The following AGBL1 variants were observed in gnomAD, a reference collection of about 807,000 sequenced individuals.
The protein encoded by AGBL1 is AGBL carboxypeptidase 1, also known as cytosolic carboxypeptidase 4.
Under a neutral mutation model 118.9 loss-of-function variants are expected in AGBL1, and 130 were observed. That is an observed-to-expected ratio of 1.09 (90% confidence interval 0.95 to 1.26). The LOEUF is 1.26. Among genes scored for constraint, AGBL1 ranks in the 50% most tolerant of loss-of-function variants. AGBL1 has a pLI of 0.00. For missense variants in AGBL1, 1,584 were observed against 1,298.1 expected, an observed-to-expected ratio of 1.22 and a Z score of -3.38; for synonymous variants, 555 against 478.9, an observed-to-expected ratio of 1.16 and a Z score of -2.08.
intron 1 of AGBL1, among the ~76,000 whole-genome samples, chr15:86,125,507 T>C (rs962594501): frequency 6.6e-6 from 1 of 152,206 alleles, no homozygotes; most frequent in African/African-American, 2.4e-5. Flanking sequence ...GTCCCCTTCA[T>C]CCATGGCTAA....
intron 24 of AGBL1, among the ~76,000 whole-genome samples, chr15:87,008,058 A>C (rs2081522174): frequency 6.6e-6 from 1 of 152,210 alleles, no homozygotes; most frequent in Admixed American, 6.5e-5. Context: ...TTTAGGTGTC[A>C]ACTTGACTGG....
intron 3 of AGBL1, among the ~76,000 whole-genome samples, chr15:86,149,171 A>G (rs1468652937): frequency 2.0e-5 from 3 of 152,160 alleles, no homozygotes; most frequent in Non-Finnish European, 2.9e-5. Context: ...CACTGCAAAA[A>G]CATGCCAAAT....
rs1342958844 is a variant in AGBL1, at chr15:86,159,040, T to C, written c.488+14T>C. The C allele has an allele frequency of 6.2e-7, 1 of 1,610,370 alleles. No individual in the cohort carries two copies. Among genetic ancestry groups the C allele is most frequent in the Non-Finnish European group, 8.5e-7 (1 of 1,176,926 alleles). On this transcript the variant is annotated intron_variant, in intron 5 of 22. Transcript: ENST00000614907. ...CCAAGCAATCAGGTACAGAGTGCCA[T>C]GTAATACTTCTGCCCCTTTTGTAAC... is the stretch of plus-strand genomic sequence containing the variant.
chr15:86,199,582 A>AGGCC (rs1471209087), intron 5 of AGBL1, among the ~76,000 whole-genome samples: 5 of 152,160 alleles, frequency 3.3e-5, no homozygotes, highest in Non-Finnish European at 7.4e-5. Context: ...GGGACCAAGT[A>AGGCC]CTTTGTTCTT....
chr15:86,599,350 C>CAACAGTGCAAT, intron 21 of AGBL1, among the ~76,000 whole-genome samples: 1 of 151,784 alleles, frequency 6.6e-6, no homozygotes, highest in African/African-American at 2.4e-5. Context: ...TTTTTAGCTG[C>CAACAGTGCAAT]CATAAAGCCC....
At chr15:86,147,171 C>A (rs1163698210) in intron 3 of AGBL1, among the ~76,000 whole-genome samples, 1 of 152,126 alleles carries the variant, frequency 6.6e-6, no homozygotes, top group Non-Finnish European at 1.5e-5. Context: ...AGGAACAGCT[C>A]CGGTCTGCAG....
At chr15:86,286,703 G>C (rs8033521) in intron 16 of AGBL1, among the ~76,000 whole-genome samples, 1 of 123,198 alleles carries the variant, frequency 8.1e-6, no homozygotes, top group African/African-American at 3.2e-5. Context: ...ATATGTGTGT[G>C]TGTATATATA....
At chr15:86,897,801 A>C in intron 22 of AGBL1, among the ~76,000 whole-genome samples, 1 of 118,586 alleles carries the variant, frequency 8.4e-6, no homozygotes, top group African/African-American at 3.3e-5. Context: ...ACAGGGAATC[A>C]CTCTGTCACC....
At position 86,606,529 on chromosome 15, in the gene AGBL1, G is replaced by A. The variant is rs960394952; in HGVS notation, c.2994+51992G>A. Among the ~76,000 whole-genome samples, 3 of 152,276 alleles carry A rather than the reference G, an allele frequency of 2.0e-5. No individual in the cohort carries two copies. In the East Asian group the frequency reaches 5.8e-4, roughly 29 times the overall value. On this transcript the variant is annotated intron_variant, in intron 21 of 22. Transcript: ENST00000614907. ...CTCACCATTAAATAGAATTTAATCT[G>A]CTTTTGTTCTGAAATCTTGTTAAGA...
intron 17 of AGBL1, among the ~76,000 whole-genome samples, chr15:86,337,968 C>G (rs1212635728): frequency 6.6e-6 from 1 of 152,152 alleles, no homozygotes; most frequent in East Asian, 1.9e-4. Flanking sequence ...ATATGCCAGA[C>G]ACTTCTAGTC....
chr15:86,936,756 A>G (rs2080681042), intron 23 of AGBL1, among the ~76,000 whole-genome samples: 1 of 152,216 alleles, frequency 6.6e-6, no homozygotes, highest in Non-Finnish European at 1.5e-5. Context: ...AAGATTTCAT[A>G]ACAAAGACAC....
intron 23 of AGBL1, among the ~76,000 whole-genome samples, chr15:86,946,934 G>T (rs138463723): frequency 2.0e-5 from 3 of 151,280 alleles, no homozygotes; most frequent in East Asian, 3.9e-4. Flanking sequence ...TCATCCCTTC[G>T]CATGTCCCCT....
chr15:86,827,938 C>CTTTTTTTTTTTTTTTTTTTT (rs71144074), intron 22 of AGBL1, among the ~76,000 whole-genome samples: 341 of 16,754 alleles, frequency 0.02, 118 homozygotes, highest in Non-Finnish European at 0.031. Flanking sequence ...TGATGTAGGG[C>CTTTTTTTTTTTTTTTTTTTT]TTTTTTTTTT....
At chr15:86,663,296 G>A (rs548890829) in intron 21 of AGBL1, among the ~76,000 whole-genome samples, 20 of 152,292 alleles carry the variant, frequency 1.3e-4, no homozygotes, top group Middle Eastern at 3.4e-3. Flanking sequence ...CTAATTGGTC[G>A]TTGTCCTTTT....
intron 17 of AGBL1, chr15:86,296,224 A>T (rs1216965835): frequency 4.6e-4 from 69 of 150,026 alleles, no homozygotes; most frequent in Admixed American, 3.9e-3. Context: ...GCAAAAAAAA[A>T]AAAAACAAAA....
chr15:86,279,756 C>T lies in AGBL1; in HGVS notation c.2193C>T (p.His731=). 5.6e-6 allele frequency: 9 copies of T among 1,613,856 alleles called. No homozygotes were observed. Among genetic ancestry groups the T allele is most frequent in the Non-Finnish European group, 7.6e-6 (9 of 1,179,778 alleles). ...HSEDVCYLAY[H]YPYTYTALMT... is the part of the protein sequence containing the mutation. ...AGGATGTCTGCTACCTGGCCTACCA[C>T]TATCCCTATACCTACACAGCCCTCA... The change falls in exon 16 of 23, where the codon CAC becomes CAT. Residue 731 remains histidine (H), a synonymous_variant. Transcript: ENST00000614907.
chr15:86,453,258 A>T (rs2082217607), intron 18 of AGBL1, among the ~76,000 whole-genome samples: 1 of 152,222 alleles, frequency 6.6e-6, no homozygotes, highest in South Asian at 2.1e-4. Context: ...TAAAATAATT[A>T]TGTTGGACAC....
chr15:86,726,296 C>T lies in AGBL1; in HGVS notation c.3158+51860C>T, dbSNP rs182452817. ...GATGCAAGATCTGGAAAAGGCAGTG[C>T]GCTTTAGCAACAAGAAAGTCAGGGC... is the stretch of plus-strand genomic sequence containing the variant. On this transcript the variant is annotated intron_variant, in intron 22 of 22. Transcript: ENST00000614907. Among the ~76,000 whole-genome samples, 40 of 152,178 alleles carry T rather than the reference C, an allele frequency of 2.6e-4. 2 individuals carry two copies. The highest frequency in any genetic ancestry group is 9.4e-4 in the African/African-American group (39 of 41,532).
chr15:86,586,544 A>G (rs1347545445), intron 21 of AGBL1, among the ~76,000 whole-genome samples: 3 of 152,184 alleles, frequency 2.0e-5, no homozygotes, highest in Non-Finnish European at 4.4e-5. Context: ...GTTAAAATAT[A>G]TAAAGTGTTT....
Sources: gnomAD v4.1 joint callset for allele counts (sites outside exome capture counted in the v4.1 genomes callset) on GRCh38, gnomAD v4.1.1 for gene constraint, MANE v1.5 for transcripts, NCBI Gene and HGNC (gene_info 2026-07-23, HGNC 2026-07-21) for gene names.